PCDHA2: variants seen among roughly 807,000 people sequenced by gnomAD.
The protein encoded by PCDHA2 is protocadherin alpha 2, also known as protocadherin alpha-2.
Under a neutral mutation model 66.0 loss-of-function variants are expected in PCDHA2, and 58 were observed. The observed-to-expected ratio is 0.88, with a 90% CI of 0.71 to 1.09. The LOEUF is 1.09. Ranked by LOEUF, PCDHA2 falls within the 50% of genes least tolerant of loss-of-function variation. PCDHA2 has a pLI of 0.00. For synonymous variants in PCDHA2, 634 were observed against 554.0 expected, an observed-to-expected ratio of 1.14 and a Z score of -2.03; for missense variants, 1,267 against 1,242.3, an observed-to-expected ratio of 1.02 and a Z score of -0.30.
intron 1 of PCDHA2, among the ~76,000 whole-genome samples, chr5:140,799,212 A>G (rs1328524413): frequency 6.6e-6 from 1 of 152,102 alleles, no homozygotes; most frequent in African/African-American, 2.4e-5. Context: ...TTCTAAACTC[A>G]TAGTTCCTTT....
chr5:140,828,322 A>T, intron 1 of PCDHA2: 1 of 1,614,224 alleles, frequency 6.2e-7, no homozygotes, highest in South Asian at 1.1e-5. Flanking sequence ...TTCTGGAGGT[A>T]AATCTGCAGA....
rs2150496669 is a variant in PCDHA2 at position 140,850,740 on chromosome 5, T to A, written c.2388+53388T>A. 3.1e-6 allele frequency: 5 copies of A among 1,597,562 alleles called. 1 individual carries two copies. The highest frequency in any genetic ancestry group is 3.4e-6 in the Non-Finnish European group (4 of 1,167,476). On this transcript the variant is annotated intron_variant, in intron 1 of 3. Coordinates refer to ENST00000526136, the MANE Select transcript of PCDHA2 (RefSeq NM_018905.3). Reference sequence around the variant, plus strand: ...GTGTTCTAGCGCGGTGGGGAGTTGGTCGTACTCGCAGCAGAGGAGGCAGAG... The same window carrying A: ...GTGTTCTAGCGCGGTGGGGAGTTGGACGTACTCGCAGCAGAGGAGGCAGAG...
chr5:140,954,181 T>C (rs1342526768), intron 1 of PCDHA2, among the ~76,000 whole-genome samples: 1 of 152,234 alleles, frequency 6.6e-6, no homozygotes, highest in Non-Finnish European at 1.5e-5. Flanking sequence ...ATCCAGTCTA[T>C]CATTGATGGG....
intron 1 of PCDHA2, among the ~76,000 whole-genome samples, chr5:140,941,214 C>CTTTCTTT (rs1554214039): frequency 0.058 from 7,135 of 122,220 alleles, 362 homozygotes; most frequent in South Asian, 0.079. Context: ...TTTCTTTCTT[C>CTTTCTTT]CTTTCTTTCT....
At chr5:140,870,014 A>G (rs782103858) in intron 1 of PCDHA2, 3 of 1,613,612 alleles carry the variant, frequency 1.9e-6, no homozygotes, top group Non-Finnish European at 2.5e-6. Flanking sequence ...GTGAGGGTCA[A>G]TGGAACTTTA....
At chr5:140,878,264 T>G (rs577205816) in intron 1 of PCDHA2, among the ~76,000 whole-genome samples, 83 of 152,314 alleles carry the variant, frequency 5.4e-4, no homozygotes, top group African/African-American at 1.9e-3. Flanking sequence ...TGCTTAGGCT[T>G]TTAAAATAGC....
chr5:140,980,030 C>T (rs552658283), intron 2 of PCDHA2, among the ~76,000 whole-genome samples: 29 of 152,292 alleles, frequency 1.9e-4, no homozygotes, highest in Admixed American at 4.6e-4. Flanking sequence ...GAAATCATTA[C>T]ATTGGGTGCT....
rs782703183 is a variant in PCDHA2 at position 140,882,765 on chromosome 5, C to A, written c.2388+85413C>A. On this transcript the variant is annotated intron_variant, in intron 1 of 3. Transcript: ENST00000526136. ...TCCGATGCAGATATTGGAGTAAACT[C>A]GGCATTGACCTACCGACTGGATCCC... 1.5e-5 allele frequency: 25 copies of A among 1,614,104 alleles called. No individual in the cohort carries two copies. In the South Asian group the frequency reaches 2.7e-4, roughly 18 times the overall value.
intron 3 of PCDHA2, among the ~76,000 whole-genome samples, chr5:140,996,553 A>C (rs868960335): frequency 1.3e-5 from 2 of 152,172 alleles, no homozygotes; most frequent in African/African-American, 2.4e-5. Flanking sequence ...TGCTGTCACT[A>C]TCTTGAAGTT....
chr5:140,992,698 A>G (rs764226558), intron 3 of PCDHA2, among the ~76,000 whole-genome samples: 4 of 152,094 alleles, frequency 2.6e-5, no homozygotes, highest in Non-Finnish European at 4.4e-5. Flanking sequence ...GGGGTGGGTA[A>G]TGTTCCTGCC....
chr5:140,868,980 G>A (rs2050777662), intron 1 of PCDHA2: 2 of 1,489,988 alleles, frequency 1.3e-6, no homozygotes, highest in South Asian at 2.8e-5. Flanking sequence ...CCATCATACC[G>A]GATGCCACCG....
chr5:140,861,263 C>T (rs1441824689), intron 1 of PCDHA2: 2 of 174,012 alleles, frequency 1.1e-5, no homozygotes, highest in African/African-American at 4.8e-5. Context: ...ATCCCGGAGC[C>T]TACAGCACTG....
intron 2 of PCDHA2, among the ~76,000 whole-genome samples, chr5:140,980,036 G>T (rs952735379): frequency 6.6e-6 from 1 of 152,176 alleles, no homozygotes; most frequent in African/African-American, 2.4e-5. Context: ...ATTACATTGG[G>T]TGCTATTTCT....
chr5:141,004,037 G>C (rs946974688), intron 3 of PCDHA2, among the ~76,000 whole-genome samples: 1 of 152,200 alleles, frequency 6.6e-6, no homozygotes, highest in African/African-American at 2.4e-5. Context: ...TTCCTTGATT[G>C]ATCATTTGCT....
At chr5:140,825,311 T>C (rs1360273212) in intron 1 of PCDHA2, 2 of 149,360 alleles carry the variant, frequency 1.3e-5, no homozygotes, top group African/African-American at 4.9e-5. Flanking sequence ...AACAATGATT[T>C]AATTTTCTGG....
intron 1 of PCDHA2, among the ~76,000 whole-genome samples, chr5:140,965,212 T>G (rs1360102713): frequency 6.6e-6 from 1 of 152,180 alleles, no homozygotes; most frequent in African/African-American, 2.4e-5. Context: ...CAAATTCCTG[T>G]GGAAGAAATG....
chr5:140,871,329 C>T (rs1164407502), intron 1 of PCDHA2: 3 of 1,614,060 alleles, frequency 1.9e-6, no homozygotes, highest in African/African-American at 2.7e-5. Flanking sequence ...TGTGCTCCCG[C>T]GCGGTGGGGA....
At chr5:140,967,014 G>T in intron 1 of PCDHA2, 1 of 1,606,958 alleles carries the variant, frequency 6.2e-7, no homozygotes, top group Non-Finnish European at 8.5e-7. Flanking sequence ...AACCATCTGG[G>T]TGCGCCCAGT....
At chr5:140,948,305 T>C (rs1554218512) in intron 1 of PCDHA2, among the ~76,000 whole-genome samples, 1 of 151,622 alleles carries the variant, frequency 6.6e-6, no homozygotes, top group African/African-American at 2.4e-5. Context: ...ATATCTTTTC[T>C]TCTTGAGGGG....
Sources: gnomAD v4.1 joint callset for allele counts (sites outside exome capture counted in the v4.1 genomes callset) on GRCh38, gnomAD v4.1.1 for gene constraint, MANE v1.5 for transcripts, NCBI Gene and HGNC (gene_info 2026-07-23, HGNC 2026-07-21) for gene names.